KIF16B: variants seen among roughly 807,000 people sequenced by gnomAD.
The protein encoded by KIF16B is kinesin family member 16B.
Under a neutral mutation model 156.3 loss-of-function variants are expected in KIF16B, and 98 were observed. The observed-to-expected ratio is 0.63, with a 90% CI of 0.53 to 0.74. The LOEUF (loss-of-function observed/expected upper bound fraction) is 0.74. Among genes scored for constraint, KIF16B ranks in the 30% least tolerant of loss-of-function variants. The pLI is 0.00. For missense variants in KIF16B, 1,421 were observed against 1,606.5 expected, an observed-to-expected ratio of 0.88 and a Z score of 1.97; for synonymous variants, 564 against 583.7, an observed-to-expected ratio of 0.97 and a Z score of 0.49.
chr20:16,508,284 C>T lies in KIF16B; in HGVS notation c.557-184G>A, dbSNP rs955533666. 2.6e-5 allele frequency among the ~76,000 whole-genome samples: 4 copies of T among 152,258 alleles called. No individual in the cohort carries two copies. The East Asian group carries it at 7.7e-4, about 29-fold the overall frequency. ...GGAGCTGGGTGGCTGGGGCCGAATCCCAGCTCTGCTGCTTACTAGCCGTGG... is the reference window on the plus strand; with the variant it reads ...GGAGCTGGGTGGCTGGGGCCGAATCTCAGCTCTGCTGCTTACTAGCCGTGG... On this transcript the variant is annotated intron_variant, in intron 6 of 25. Coordinates refer to ENST00000354981, the MANE Select transcript of KIF16B (RefSeq NM_024704.5).
At chr20:16,555,802 A>C (rs936443338) in intron 1 of KIF16B, among the ~76,000 whole-genome samples, 1 of 152,202 alleles carries the variant, frequency 6.6e-6, no homozygotes, top group Non-Finnish European at 1.5e-5. Flanking sequence ...TCAAAATCAA[A>C]ACAGAAAGGA....
chr20:16,483,459 T>C (rs578238527), intron 12 of KIF16B, among the ~76,000 whole-genome samples: 1 of 152,330 alleles, frequency 6.6e-6, no homozygotes, highest in East Asian at 1.9e-4. Flanking sequence ...CATAATTTCA[T>C]TTCTTTTCTG....
At position 16,356,324 on chromosome 20, in the gene KIF16B, A is replaced by C; in HGVS notation, c.3621+6T>G. 1 of 1,614,102 alleles carries C rather than the reference A, an allele frequency of 6.2e-7. No individual in the cohort carries two copies. The highest frequency in any genetic ancestry group is 2.2e-5 in the East Asian group (1 of 44,876). The stretch of plus-strand genomic sequence containing the variant: ...CATTCTCCAGAAGAGTCAAGAAGAC[A>C]CTCACCTTGACCTCAAACTCGAAGT... On this transcript the variant is annotated splice_donor_region_variant and intron_variant, in intron 23 of 25. Transcript: ENST00000354981.
intron 1 of KIF16B, among the ~76,000 whole-genome samples, chr20:16,552,529 T>C (rs988241900): frequency 1.3e-5 from 2 of 152,146 alleles, no homozygotes; most frequent in African/African-American, 4.8e-5. Flanking sequence ...CCCTTCCTGA[T>C]GCCACAAGTC....
intron 12 of KIF16B, among the ~76,000 whole-genome samples, chr20:16,492,529 T>C (rs2068325252): frequency 6.6e-6 from 1 of 152,022 alleles, no homozygotes; most frequent in African/African-American, 2.4e-5. Context: ...AAAAAGAAAA[T>C]AGTTAGACTT....
chr20:16,401,625 C>T (rs997263572), intron 17 of KIF16B, among the ~76,000 whole-genome samples: 7 of 152,194 alleles, frequency 4.6e-5, no homozygotes, highest in Admixed American at 6.5e-5. Context: ...CCTTAAAAAG[C>T]TTCCATTCTA....
intron 1 of KIF16B, among the ~76,000 whole-genome samples, chr20:16,558,057 T>C (rs1312356667): frequency 2.0e-5 from 3 of 152,134 alleles, no homozygotes; most frequent in Non-Finnish European, 4.4e-5. Flanking sequence ...GGGGGCACTA[T>C]TTTCAATGGA....
Position 16,383,356 on chromosome 20 carries a change from T to G in KIF16B, c.1785-1609A>C, listed in dbSNP as rs575640101. On this transcript the variant is annotated intron_variant, in intron 17 of 25. Coordinates refer to ENST00000354981, the MANE Select transcript of KIF16B (RefSeq NM_024704.5). ...GAGCCAGGATGTGAACTCATGGCAG[T>G]CTGCTTCCAAAATACCGTCTATTAA... Among the ~76,000 whole-genome samples the G allele has an allele frequency of 5.9e-5, 9 of 152,322 alleles. No individual in the cohort carries two copies. In the South Asian group the frequency reaches 1.9e-3, roughly 32 times the overall value.
At chr20:16,338,497 C>T (rs1044707052) in intron 23 of KIF16B, among the ~76,000 whole-genome samples, 1 of 152,116 alleles carries the variant, frequency 6.6e-6, no homozygotes, top group African/African-American at 2.4e-5. Flanking sequence ...CATTAATCAC[C>T]CAGATGATCC....
chr20:16,289,620 G>A (rs554683275), intron 25 of KIF16B, among the ~76,000 whole-genome samples: 1 of 152,296 alleles, frequency 6.6e-6, no homozygotes, highest in South Asian at 2.1e-4. Context: ...TTGGTAGGCC[G>A]AGGCGGACGG....
intron 23 of KIF16B, among the ~76,000 whole-genome samples, chr20:16,346,782 T>C (rs1212680785): frequency 2.0e-5 from 3 of 152,162 alleles, no homozygotes; most frequent in Non-Finnish European, 4.4e-5. Flanking sequence ...GATAAAGTGC[T>C]TCCCCCTCTG....
intron 2 of KIF16B, among the ~76,000 whole-genome samples, chr20:16,526,871 T>C (rs2069563870): frequency 6.6e-6 from 1 of 152,212 alleles, no homozygotes; most frequent in Non-Finnish European, 1.5e-5. Context: ...GTTTTCCACA[T>C]GATTCACATA....
chr20:16,469,903 C>T (rs1258438998), intron 12 of KIF16B, among the ~76,000 whole-genome samples: 1 of 151,902 alleles, frequency 6.6e-6, no homozygotes, highest in Non-Finnish European at 1.5e-5. Flanking sequence ...CTCATAATTG[C>T]CAAATCGTGG....
intron 12 of KIF16B, among the ~76,000 whole-genome samples, chr20:16,446,621 G>A (rs556904777): frequency 1.3e-5 from 2 of 152,080 alleles, no homozygotes; most frequent in South Asian, 4.1e-4. Flanking sequence ...CCTTAAAACA[G>A]ACTAGATCTT....
intron 10 of KIF16B, among the ~76,000 whole-genome samples, chr20:16,500,688 C>A (rs1386286765): frequency 6.6e-6 from 1 of 152,104 alleles, no homozygotes; most frequent in Non-Finnish European, 1.5e-5. Flanking sequence ...TGTTTCTGCA[C>A]CGCTTTCTTT....
chr20:16,378,821 C>G lies in KIF16B; in HGVS notation c.3181G>C (p.Glu1061Gln). 2 of 1,610,126 alleles carry G rather than the reference C, an allele frequency of 1.2e-6. No individual in the cohort carries two copies. Among genetic ancestry groups the G allele is most frequent in the East Asian group, 4.5e-5 (2 of 44,854 alleles). ...ASLEAEQEAL[E>Q]KDQERLEYEI... Reference sequence around the variant, plus strand: ...CAATCTCACCTCTCCTGGTCCTTCTCCAGGGCTTCCTGCTCAGCCTCCAGG... The same window carrying G: ...CAATCTCACCTCTCCTGGTCCTTCTGCAGGGCTTCCTGCTCAGCCTCCAGG... Residue 1061 changes from glutamate to glutamine, a missense_variant, in exon 19 of 26, where the codon GAG (glutamate) becomes CAG (glutamine). Physicochemically the swap from Glu to Gln is conservative, Grantham distance 29 (BLOSUM62 2). Coordinates refer to ENST00000354981, the MANE Select transcript of KIF16B (RefSeq NM_024704.5).
At chr20:16,517,871 G>A (rs1220755296) in intron 3 of KIF16B, among the ~76,000 whole-genome samples, 1 of 152,060 alleles carries the variant, frequency 6.6e-6, no homozygotes, top group Non-Finnish European at 1.5e-5. Flanking sequence ...AAAGAATAAA[G>A]AAGGACTGTT....
chr20:16,341,355 T>C (rs1335419159), intron 23 of KIF16B, among the ~76,000 whole-genome samples: 1 of 152,202 alleles, frequency 6.6e-6, no homozygotes, highest in African/African-American at 2.4e-5. Context: ...TGTATTCCTC[T>C]GAATTGAGCT....
At chr20:16,526,944 CTCAAACA>C (rs2069567868) in intron 2 of KIF16B, among the ~76,000 whole-genome samples, 1 of 152,168 alleles carries the variant, frequency 6.6e-6, no homozygotes, top group Non-Finnish European at 1.5e-5. Flanking sequence ...GTTCTGGTTA[CTCAAACA>C]TCAGATGATA....
Sources: gnomAD v4.1 joint callset for allele counts (sites outside exome capture counted in the v4.1 genomes callset) on GRCh38, gnomAD v4.1.1 for gene constraint, MANE v1.5 for transcripts, NCBI Gene and HGNC (gene_info 2026-07-23, HGNC 2026-07-21) for gene names.